The following SLC30A8 variants were observed in gnomAD, a reference collection of about 807,000 sequenced individuals.
SLC30A8 encodes the protein proton-coupled zinc antiporter SLC30A8.
Under a neutral mutation model 36.9 loss-of-function variants are expected in SLC30A8, and 27 were observed. The observed-to-expected ratio is 0.73, with a 90% confidence interval of 0.54 to 1.01. SLC30A8 has a LOEUF of 1.01. Among genes scored for constraint, SLC30A8 ranks in the 50% least tolerant of loss-of-function variants. SLC30A8 has a pLI of 0.00. For missense variants in SLC30A8, 439 were observed against 452.0 expected (o/e 0.97, Z 0.26); for synonymous variants, 164 against 172.4 (o/e 0.95, Z 0.38).
intron 3 of SLC30A8, among the ~76,000 whole-genome samples, chr8:117,154,528 C>T (rs1822373735): frequency 6.6e-6 from 1 of 152,198 alleles, no homozygotes. Context: ...GCAGGAAGTC[C>T]TAATTTCATA....
chr8:117,172,485 G>A lies in SLC30A8; in HGVS notation c.965-51G>A, dbSNP rs765809181. 5.0e-6 allele frequency: 8 copies of A among 1,612,208 alleles called. No individual in the cohort carries two copies. In the African/African-American group the frequency reaches 6.7e-5, roughly 13 times the overall value. ...ACTTGAAGTTGGAGTCAGAGCAGTC[G>A]CCCATGCGTGTGCAATCAGTGCTAA... On this transcript the variant is annotated intron_variant, in intron 7 of 7. Transcript: ENST00000456015.
intron 1 of SLC30A8, among the ~76,000 whole-genome samples, chr8:117,029,391 T>G (rs757335514): frequency 6.6e-6 from 1 of 152,210 alleles, no homozygotes; most frequent in South Asian, 2.1e-4. Flanking sequence ...ATTTGTTTTA[T>G]TTTAAGAGAA....
chr8:117,081,617 G>T (rs1398788366), intron 2 of SLC30A8, among the ~76,000 whole-genome samples: 3 of 152,142 alleles, frequency 2.0e-5, no homozygotes, highest in African/African-American at 4.8e-5. Context: ...GTGGGGCTCT[G>T]GTGACCTGGA....
chr8:117,061,875 A>G (rs1586457746), intron 2 of SLC30A8, among the ~76,000 whole-genome samples: 1 of 152,204 alleles, frequency 6.6e-6, no homozygotes, highest in East Asian at 1.9e-4. Flanking sequence ...AAGAGAACCA[A>G]ATGAGGGACA....
chr8:117,072,017 G>A (rs1346335132), intron 2 of SLC30A8, among the ~76,000 whole-genome samples: 1 of 152,124 alleles, frequency 6.6e-6, no homozygotes, highest in Non-Finnish European at 1.5e-5. Context: ...TTCCTCATCA[G>A]GAGCTTCCTT....
At chr8:117,146,840 T>C in intron 1 of SLC30A8, 114 bp from the exon 2 acceptor site, 1 of 1,511,562 alleles carries the variant, frequency 6.6e-7, no homozygotes, top group Non-Finnish European at 8.9e-7. Flanking sequence ...AATGAACACT[T>C]CATAGCAAGT....
chr8:117,002,450 A>G (rs374674603), intron 1 of SLC30A8, among the ~76,000 whole-genome samples: 1 of 152,242 alleles, frequency 6.6e-6, no homozygotes, highest in South Asian at 2.1e-4. Context: ...GGTTATTCCA[A>G]ATAAGGCTTT....
chr8:117,040,101 T>G (rs1340777077), intron 2 of SLC30A8, among the ~76,000 whole-genome samples: 1 of 152,250 alleles, frequency 6.6e-6, no homozygotes, highest in Admixed American at 6.5e-5. Flanking sequence ...ACAAATTTCT[T>G]TCTGATCACT....
At chr8:117,113,070 A>G (rs1056711320) in intron 2 of SLC30A8, among the ~76,000 whole-genome samples, 1 of 152,172 alleles carries the variant, frequency 6.6e-6, no homozygotes, top group Non-Finnish European at 1.5e-5. Context: ...ACTGCCTTCT[A>G]TAATCTTGCT....
At chr8:116,993,333 G>A (rs932698462) in intron 1 of SLC30A8, among the ~76,000 whole-genome samples, 3 of 152,008 alleles carry the variant, frequency 2.0e-5, no homozygotes, top group Non-Finnish European at 4.4e-5. Flanking sequence ...CTACAAGTGT[G>A]GGTAAAACTA....
intron 1 of SLC30A8, among the ~76,000 whole-genome samples, chr8:117,004,982 A>G (rs1371060499): frequency 6.6e-6 from 1 of 152,210 alleles, no homozygotes; most frequent in African/African-American, 2.4e-5. Flanking sequence ...CACCTTTAAA[A>G]AAAACAGCTT....
intron 1 of SLC30A8, among the ~76,000 whole-genome samples, chr8:117,009,065 T>A (rs1262147915): frequency 6.6e-6 from 1 of 152,230 alleles, no homozygotes; most frequent in African/African-American, 2.4e-5. Context: ...CTACCAATGC[T>A]GGTTTCCCAC....
At chr8:117,037,553 A>G (rs992154925) in intron 1 of SLC30A8, among the ~76,000 whole-genome samples, 2 of 152,186 alleles carry the variant, frequency 1.3e-5, no homozygotes, top group Non-Finnish European at 2.9e-5. Flanking sequence ...GACTCTATGG[A>G]TATTTCTACA....
intron 2 of SLC30A8, among the ~76,000 whole-genome samples, chr8:117,114,963 G>A (rs550408790): frequency 1.2e-4 from 18 of 151,956 alleles, no homozygotes; most frequent in African/African-American, 3.9e-4. Flanking sequence ...CTAGTGTGGT[G>A]GCTACAGTGA....
intron 1 of SLC30A8, among the ~76,000 whole-genome samples, chr8:116,975,180 A>C (rs1814946146): frequency 6.6e-6 from 1 of 152,138 alleles, no homozygotes; most frequent in Non-Finnish European, 1.5e-5. Flanking sequence ...CTAGAACTTA[A>C]AGTATAATAA....
chr8:117,131,473 C>T (rs1318849035), upstream of SLC30A8, among the ~76,000 whole-genome samples: 1 of 151,922 alleles, frequency 6.6e-6, no homozygotes, highest in Non-Finnish European at 1.5e-5. Context: ...GAAGACAGCT[C>T]CATAGTGAAG....
At chr8:117,087,872 C>T (rs1280851225) in intron 2 of SLC30A8, among the ~76,000 whole-genome samples, 2 of 152,058 alleles carry the variant, frequency 1.3e-5, no homozygotes, top group African/African-American at 4.8e-5. Context: ...AGTCTGATTT[C>T]TGTCTTCTAC....
chr8:117,043,645 A>G (rs1431313859), intron 2 of SLC30A8, among the ~76,000 whole-genome samples: 1 of 152,214 alleles, frequency 6.6e-6, no homozygotes, highest in Non-Finnish European at 1.5e-5. Context: ...CCATAGAAAA[A>G]TATAATACGG....
chr8:117,110,282 A>C (rs1207376999), intron 2 of SLC30A8, among the ~76,000 whole-genome samples: 1 of 151,970 alleles, frequency 6.6e-6, no homozygotes, highest in African/African-American at 2.4e-5. Context: ...GCCATCAAAT[A>C]GGTTAAATGG....
Sources: allele counts gnomAD v4.1 joint callset (sites outside exome capture counted in the v4.1 genomes callset), GRCh38; gene constraint gnomAD v4.1.1; transcripts MANE v1.5; gene names NCBI Gene and HGNC (gene_info 2026-07-23, HGNC 2026-07-21).